Variants in NPC1 observed in about 807,000 individuals in gnomAD.
NPC1 encodes NPC intracellular cholesterol transporter 1, also known as Niemann-Pick C1 protein.
NPC1 carries 85 observed loss-of-function variants against 140.4 expected under a neutral mutation model. The observed-to-expected ratio is 0.61, with a 90% confidence interval of 0.51 to 0.72. NPC1 has a LOEUF of 0.72. NPC1 is among the 30% of genes least tolerant of loss of function. NPC1 has a pLI of 0.00. For synonymous variants in NPC1, 656 were observed against 624.8 expected (o/e 1.05, Z -0.74); for missense variants, 1,504 against 1,623.8 (o/e 0.93, Z 1.27).
Position 23,535,543 on chromosome 18 carries a change from A to G in NPC1, c.3403T>C (p.Leu1135=). 1 of 1,614,142 alleles carries G rather than the reference A, an allele frequency of 6.2e-7. No individual in the cohort carries two copies. The highest frequency in any genetic ancestry group is 8.5e-7 in the Non-Finnish European group (1 of 1,180,008). Residue 1135 remains leucine (L), a synonymous_variant, in exon 22 of 25, where the codon TTG becomes CTG. Transcript: ENST00000269228. The part of the protein sequence containing the change: ...VIMCATIAMV[L]VNMFGVMWLW... Reference sequence around the variant, plus strand: ...CACATAACTCCAAACATGTTGACCAAGACCATGGCGATGGTGGCACACATG... The same window carrying G: ...CACATAACTCCAAACATGTTGACCAGGACCATGGCGATGGTGGCACACATG...
At chr18:23,577,569 T>C (rs919055393) in intron 1 of NPC1, among the ~76,000 whole-genome samples, 7 of 152,156 alleles carry the variant, frequency 4.6e-5, no homozygotes, top group African/African-American at 1.7e-4. Flanking sequence ...TGGCTTCACC[T>C]AGTGGATCCC....
chr18:23,557,251 G>T, intron 6 of NPC1, 61 bp from the exon 7 acceptor site: 1 of 1,249,662 alleles, frequency 8.0e-7, no homozygotes, highest in Non-Finnish European at 1.2e-6. Flanking sequence ...GTTGTTTTTG[G>T]GACATTCCTG....
At position 23,556,416 on chromosome 18, in the gene NPC1, T is replaced by C. The variant is rs1373857908; in HGVS notation, c.1153A>G (p.Ser385Gly). Residue 385 changes from serine to glycine, a missense_variant, in exon 8 of 25, where the codon AGC becomes GGC. By Grantham distance (56) the Ser-to-Gly change is moderately conservative. Transcript: ENST00000269228. ...TNPVDLWSAPSSQARLEKEYF... is the reference protein window; with the variant it reads ...TNPVDLWSAPGSQARLEKEYF... ...TCTTTTTCCAGGCGAGCCTGGCTGC[T>C]GGGGGCTGACCAGAGGTCAACTGGA... 2.7e-5 allele frequency: 43 copies of C among 1,613,972 alleles called. No homozygotes were observed. In the Admixed American group the frequency reaches 7.0e-4, roughly 26 times the overall value.
At chr18:23,545,991 G>GT (rs1435952997) in intron 11 of NPC1, among the ~76,000 whole-genome samples, 2 of 152,182 alleles carry the variant, frequency 1.3e-5, no homozygotes, top group Non-Finnish European at 2.9e-5. Flanking sequence ...GCTTATGCCT[G>GT]TAATTCCAGC....
At chr18:23,560,136 T>C in intron 6 of NPC1, 95 bp downstream of exon 6, 1 of 1,476,692 alleles carries the variant, frequency 6.8e-7, no homozygotes, top group Non-Finnish European at 9.4e-7. Context: ...TATTTGTTTC[T>C]TGTCCTAAGT....
chr18:23,567,759 T>TC (rs751372520), intron 4 of NPC1, among the ~76,000 whole-genome samples: 3 of 152,220 alleles, frequency 2.0e-5, no homozygotes, highest in Admixed American at 6.5e-5. Context: ...AAGTTGTTTT[T>TC]CAAGTAGTTT....
chr18:23,573,423 G>C (rs2145551627), intron 2 of NPC1, 29 bp downstream of exon 2: 2 of 1,613,990 alleles, frequency 1.2e-6, no homozygotes, highest in Non-Finnish European at 1.7e-6. Context: ...AGCATTTTGT[G>C]TTCCCAGTGC....
intron 3 of NPC1, chr18:23,515,776 G>A (rs1043166834): frequency 6.4e-6 from 10 of 1,553,114 alleles, no homozygotes; most frequent in Middle Eastern, 1.7e-4. Context: ...CAGGTGATCC[G>A]CCCACCTTAG....
In NPC1 at chr18:23,531,482, T is replaced by C. The variant is rs554941139; in HGVS notation, c.*720A>G. 4.8e-6 allele frequency: 7 copies of C among 1,444,034 alleles called. No homozygotes were observed. In the African/African-American group the frequency reaches 8.6e-5, roughly 18 times the overall value. The allele number at this position is 1,444,034 out of a possible 1,614,324, so 89.5% of individuals were successfully genotyped here. ...TTTTGTATTTGTCTCTCAAAGCAGA[T>C]AGGGTAACCCCAAAACTTAGGAAAA... On this transcript the variant is annotated 3_prime_UTR_variant, in exon 25 of 25. Coordinates refer to ENST00000269228, the MANE Select transcript of NPC1 (RefSeq NM_000271.5).
chr18:23,553,749 C>T (rs779029641), intron 9 of NPC1, among the ~76,000 whole-genome samples: 7 of 152,130 alleles, frequency 4.6e-5, no homozygotes, highest in Non-Finnish European at 1.0e-4. Context: ...CTTAAGATTC[C>T]CCTACAGGTC....
chr18:23,523,294 C>T (rs1176464067), intron 1 of NPC1, among the ~76,000 whole-genome samples: 2 of 152,098 alleles, frequency 1.3e-5, no homozygotes, highest in African/African-American at 4.8e-5. Context: ...GCCTGCATGG[C>T]TCATGAGCAG....
At position 23,554,828 on chromosome 18, in the gene NPC1, G is replaced by C. The variant is rs1598973224; in HGVS notation, c.1483C>G (p.Leu495Val). The C allele has an allele frequency of 5.0e-6, 8 of 1,614,172 alleles. No individual in the cohort carries two copies. The East Asian group carries it at 1.8e-4, about 36-fold the overall frequency. Residue 495 changes from leucine to valine, a missense_variant, in exon 9 of 25, where the codon CTG becomes GTG. By Grantham distance (32) the Leu-to-Val change is conservative. Transcript: ENST00000269228. ...AAGTCGTCCCCTTTCTTGTGGTCCA[G>C]CACGGAATGGCTGTTCTGGAAGTAA... ...LNYFQNSHSV[L>V]DHKKGDDFFV...
At chr18:23,510,562 G>C (rs1210715203) in intron 3 of NPC1, among the ~76,000 whole-genome samples, 1 of 152,050 alleles carries the variant, frequency 6.6e-6, no homozygotes, top group Non-Finnish European at 1.5e-5. Flanking sequence ...CCAGGGAATT[G>C]CTTGAACCTG....
chr18:23,561,620 G>A (rs1567970843), intron 4 of NPC1, 93 bp from the exon 5 acceptor site: 2 of 1,220,050 alleles, frequency 1.6e-6, no homozygotes, highest in South Asian at 1.2e-5. Context: ...AGGGAAACAC[G>A]AACTCCATAT....
At chr18:23,547,526 A>C (rs151153261) in intron 11 of NPC1, among the ~76,000 whole-genome samples, 1 of 152,132 alleles carries the variant, frequency 6.6e-6, no homozygotes, top group Non-Finnish European at 1.5e-5. Context: ...GAATCACCTG[A>C]GGTTAGTAGG....
chr18:23,520,149 A>T, downstream of NPC1: 1 of 1,407,502 alleles, frequency 7.1e-7, no homozygotes, highest in Non-Finnish European at 1.0e-6. Context: ...AATGAAAGCA[A>T]CTGGGCAAAC....
intron 24 of NPC1, chr18:23,533,059 C>G: frequency 1.3e-6 from 1 of 742,386 alleles, no homozygotes; most frequent in Non-Finnish European, 1.9e-6. Context: ...CAGGGAGGAG[C>G]TGCCCTGCCT....
chr18:23,529,984 G>C (rs1704129947), downstream of NPC1: 5 of 1,527,878 alleles, frequency 3.3e-6, no homozygotes, highest in Non-Finnish European at 3.6e-6. Flanking sequence ...TGTTGTAGCT[G>C]AATGATTTGG....
intron 13 of NPC1, 135 bp from the exon 14 acceptor site, chr18:23,543,704 A>T: frequency 1.5e-6 from 1 of 654,680 alleles, no homozygotes; most frequent in Non-Finnish European, 2.7e-6. Flanking sequence ...AAGCATATAA[A>T]CTTCGGTGGG....
Sources: gnomAD v4.1 joint callset for allele counts (sites outside exome capture counted in the v4.1 genomes callset) on GRCh38, gnomAD v4.1.1 for gene constraint, MANE v1.5 for transcripts, NCBI Gene and HGNC (gene_info 2026-07-23, HGNC 2026-07-21) for gene names.